Variants in ELAVL4 observed in about 807,000 individuals in gnomAD.
ELAVL4 encodes ELAV like RNA binding protein 4.
ELAVL4 carries 1 observed loss-of-function variant against 35.6 expected under a neutral mutation model. That is an observed-to-expected ratio of 0.03 (90% CI 0.01 to 0.13). ELAVL4 has a LOEUF of 0.13. Among genes scored for constraint, ELAVL4 ranks in the 10% least tolerant of loss-of-function variants. The pLI is 1.00. For missense variants in ELAVL4, 267 were observed against 464.9 expected, an observed-to-expected ratio of 0.57 and a Z score of 3.91; for synonymous variants, 156 against 171.0, an observed-to-expected ratio of 0.91 and a Z score of 0.69.
chr1:50,169,601 C>G (rs1052150972), intron 2 of ELAVL4, among the ~76,000 whole-genome samples: 3 of 152,176 alleles, frequency 2.0e-5, no homozygotes, highest in Admixed American at 1.3e-4. Flanking sequence ...CTTTTATATT[C>G]CTAGTGAATG....
intron 1 of ELAVL4, among the ~76,000 whole-genome samples, chr1:50,051,722 T>C (rs1028279751): frequency 1.3e-5 from 2 of 152,204 alleles, no homozygotes; most frequent in African/African-American, 4.8e-5. Context: ...GGGAACTGGA[T>C]TTTTAAAATC....
At chr1:50,132,149 C>G (rs1203911020) in intron 1 of ELAVL4, among the ~76,000 whole-genome samples, 1 of 151,904 alleles carries the variant, frequency 6.6e-6, no homozygotes, top group Non-Finnish European at 1.5e-5. Flanking sequence ...TATTTTTAAT[C>G]GATACGTATT....
intron 1 of ELAVL4, among the ~76,000 whole-genome samples, chr1:50,119,156 A>C (rs1178344669): frequency 6.6e-6 from 1 of 152,066 alleles, no homozygotes; most frequent in Non-Finnish European, 1.5e-5. Context: ...TTCCATATGA[A>C]TCTATTTTAA....
At position 50,203,420 on chromosome 1, in the gene ELAVL4, T is replaced by A. The variant is rs1644460602; in HGVS notation, c.*2242T>A. 6.6e-6 allele frequency: 1 copy of A among 152,110 alleles called. No homozygotes were observed. The highest frequency in any genetic ancestry group is 6.6e-5 in the Admixed American group (1 of 15,266). 9.4% of individuals were successfully genotyped at this position (152,110 alleles called of 1,614,324 possible). ...TTCGGTTTTGGATATAACACCAGAT[T>A]TCAGTTCAGAGAACACTCGTTCAAC... On this transcript the variant is annotated 3_prime_UTR_variant, in exon 7 of 7. Coordinates refer to ENST00000371824, the MANE Select transcript of ELAVL4 (RefSeq NM_001144774.3).
intron 1 of ELAVL4, among the ~76,000 whole-genome samples, chr1:50,127,066 TAA>T (rs892482754): frequency 2.6e-5 from 4 of 151,994 alleles, no homozygotes; most frequent in African/African-American, 4.8e-5. Context: ...CATTTTAAAA[TAA>T]AGAGTCACCC....
intron 2 of ELAVL4, among the ~76,000 whole-genome samples, chr1:50,163,716 C>T (rs999877121): frequency 6.6e-6 from 1 of 152,122 alleles, no homozygotes; most frequent in African/African-American, 2.4e-5. Context: ...ACCCCAGCTA[C>T]TCGGGAGGCT....
chr1:50,059,025 C>T (rs928097638), intron 1 of ELAVL4, among the ~76,000 whole-genome samples: 2 of 152,136 alleles, frequency 1.3e-5, no homozygotes. Context: ...ATCCTAGATT[C>T]ATTTTTCTTC....
upstream of ELAVL4, among the ~76,000 whole-genome samples, chr1:50,107,733 G>C (rs1035971454): frequency 2.0e-5 from 3 of 152,180 alleles, no homozygotes; most frequent in African/African-American, 7.2e-5. Flanking sequence ...TAAATTATGA[G>C]TTAAATAAAT....
intron 1 of ELAVL4, among the ~76,000 whole-genome samples, chr1:50,074,502 C>T (rs749558929): frequency 6.6e-6 from 1 of 152,192 alleles, no homozygotes; most frequent in East Asian, 1.9e-4. Context: ...CAAATATTCA[C>T]TGAGGCTGAT....
intron 1 of ELAVL4, among the ~76,000 whole-genome samples, chr1:50,118,845 C>T (rs1418274418): frequency 2.0e-5 from 3 of 150,796 alleles, no homozygotes; most frequent in Middle Eastern, 3.2e-3. Flanking sequence ...AAAGGGAAGT[C>T]GATTTTTTTC....
intron 1 of ELAVL4, among the ~76,000 whole-genome samples, chr1:50,082,133 T>C (rs536377344): frequency 4.9e-4 from 74 of 152,356 alleles, no homozygotes; most frequent in African/African-American, 1.4e-3. Context: ...AGTGCCACAA[T>C]AAACATACAT....
intron 1 of ELAVL4, among the ~76,000 whole-genome samples, chr1:50,060,316 G>A (rs1663894244): frequency 6.6e-6 from 1 of 152,292 alleles, no homozygotes; most frequent in Non-Finnish European, 1.5e-5. Context: ...CCTGCCGTCT[G>A]TTTATCAAAA....
At chr1:50,081,922 A>G (rs781724269) in intron 1 of ELAVL4, among the ~76,000 whole-genome samples, 28 of 152,066 alleles carry the variant, frequency 1.8e-4, no homozygotes, top group Non-Finnish European at 2.8e-4. Context: ...GAGTGAGAAC[A>G]TGCAGTGTTT....
chr1:50,050,789 C>T (rs1663319341), intron 1 of ELAVL4, among the ~76,000 whole-genome samples: 1 of 152,094 alleles, frequency 6.6e-6, no homozygotes, highest in African/African-American at 2.4e-5. Context: ...AATATCCATC[C>T]ATTATTCACA....
intron 3 of ELAVL4, among the ~76,000 whole-genome samples, chr1:50,177,424 A>T (rs184732497): frequency 6.6e-6 from 1 of 152,316 alleles, no homozygotes; most frequent in East Asian, 1.9e-4. Context: ...AAGAGGGCAG[A>T]TGGGATATTT....
chr1:50,057,010 A>G (rs1663713853), intron 1 of ELAVL4, among the ~76,000 whole-genome samples: 1 of 151,968 alleles, frequency 6.6e-6, no homozygotes, highest in Non-Finnish European at 1.5e-5. Flanking sequence ...TTCAGGAGTT[A>G]TTTCAAAATA....
intron 1 of ELAVL4, among the ~76,000 whole-genome samples, chr1:50,071,644 A>T (rs6588373): frequency 1 from 151,740 of 152,302 alleles, 75,592 homozygotes; most frequent in Middle Eastern, 1. Flanking sequence ...AGAATTGAAT[A>T]TGAGTAAATC....
chr1:50,147,890 G>A (rs1282040026), intron 2 of ELAVL4, among the ~76,000 whole-genome samples: 1 of 152,156 alleles, frequency 6.6e-6, no homozygotes, highest in Non-Finnish European at 1.5e-5. Context: ...TCTGGCTTCT[G>A]CAATGTTAAA....
intron 6 of ELAVL4, among the ~76,000 whole-genome samples, chr1:50,199,575 G>C (rs933220870): frequency 5.9e-5 from 9 of 152,132 alleles, no homozygotes; most frequent in African/African-American, 2.2e-4. Flanking sequence ...AGGCATGGTG[G>C]TGCGTGCCTG....
Sources: gnomAD v4.1 joint callset for allele counts (sites outside exome capture counted in the v4.1 genomes callset) on GRCh38, gnomAD v4.1.1 for gene constraint, MANE v1.5 for transcripts, NCBI Gene and HGNC (gene_info 2026-07-23, HGNC 2026-07-21) for gene names.